The following ELF4 variants were observed in gnomAD, a reference collection of about 807,000 sequenced individuals.
ELF4 encodes ETS-related transcription factor Elf-4.
ELF4 carries 10 observed loss-of-function variants against 31.7 expected under a neutral mutation model. The observed-to-expected ratio is 0.32, with a 90% CI of 0.19 to 0.54. ELF4 has a LOEUF of 0.54. Among genes scored for constraint, ELF4 ranks in the 20% least tolerant of loss-of-function variants. The pLI, the probability that ELF4 is intolerant of heterozygous loss-of-function variation, is 0.95. For synonymous variants in ELF4, 208 were observed against 226.7 expected (o/e 0.92, Z 0.74); for missense variants, 418 against 522.0 (o/e 0.80, Z 1.94).
At chrX:130,089,860 AG>A (rs1164502190) in intron 1 of ELF4, among the ~76,000 whole-genome samples, 1 of 112,772 alleles carries the variant, frequency 8.9e-6, no homozygotes, top group East Asian at 2.8e-4. Context: ...GCACTCTGGG[AG>A]GCCAAGGCGG....
In ELF4 at chrX:130,065,043, A is replaced by G. The variant is rs1278381724; in HGVS notation, c.*1678T>C. On this transcript the variant is annotated 3_prime_UTR_variant, in exon 9 of 9. Transcript: ENST00000308167. ...CAGTGCCCTCCAGGGGGCAGGGAGA[A>G]GAAGAGTAGGAGAGGGTGATAGTTG... 1 of 171,759 alleles carries G rather than the reference A, an allele frequency of 5.8e-6. No homozygotes were observed. Among genetic ancestry groups the G allele is most frequent in the Middle Eastern group, 1.8e-3 (1 of 560 alleles). 14.2% of individuals were successfully genotyped at this position (171,759 alleles called of 1,213,427 possible). A position where few individuals can be genotyped will look rare whatever the true frequency, so the allele number is the denominator to read the frequency against.
chrX:130,066,347 T>A lies in ELF4; in HGVS notation c.*374A>T. ...CATACAGGGATATTCACATATAGGG[T>A]AGTAAATTCCCTGTGTAGGGAATGC... On this transcript the variant is annotated 3_prime_UTR_variant, in exon 9 of 9. Transcript: ENST00000308167. 3.7e-6 allele frequency: 1 copy of A among 267,206 alleles called. No homozygotes were observed. Among genetic ancestry groups the A allele is most frequent in the South Asian group, 8.7e-5 (1 of 11,442 alleles). 22.0% of individuals were successfully genotyped at this position (267,206 alleles called of 1,213,427 possible). A position where few individuals can be genotyped will look rare whatever the true frequency, so the allele number is the denominator to read the frequency against.
chrX:130,101,565 G>C (rs1189433036), intron 1 of ELF4, among the ~76,000 whole-genome samples: 1 of 109,284 alleles, frequency 9.2e-6, no homozygotes, highest in Non-Finnish European at 1.9e-5. Context: ...GGCCGAGGCG[G>C]GTGGATCACC....
chrX:130,102,121 T>C (rs1933273109), intron 1 of ELF4, among the ~76,000 whole-genome samples: 1 of 113,114 alleles, frequency 8.8e-6, no homozygotes, highest in South Asian at 3.6e-4. Flanking sequence ...CACTCCAGCC[T>C]GGGCGACGGA....
intron 2 of ELF4, among the ~76,000 whole-genome samples, chrX:130,079,229 G>A (rs1932865137): frequency 9.0e-6 from 1 of 110,628 alleles, no homozygotes; most frequent in Non-Finnish European, 1.9e-5. Flanking sequence ...AGGGCGAGGC[G>A]GGTGGATCAC....
chrX:130,070,793 A>AAGAAAGAT, intron 7 of ELF4, among the ~76,000 whole-genome samples: 1 of 101,891 alleles, frequency 9.8e-6, no homozygotes, highest in South Asian at 4.7e-4. Context: ...AAAAAAAAGA[A>AAGAAAGAT]AGAAAGAAAG....
At position 130,065,076 on chromosome X, in the gene ELF4, A is replaced by C; in HGVS notation, c.*1645T>G. On this transcript the variant is annotated 3_prime_UTR_variant, in exon 9 of 9. Coordinates refer to ENST00000308167, the MANE Select transcript of ELF4 (RefSeq NM_001421.4). ...AGGAGAGGGTGATAGTTGTTGGCTT[A>C]ACAAAGAAGAGAAGAGCGAGAGCGC... 5.8e-6 allele frequency: 1 copy of C among 173,242 alleles called. No homozygotes were observed. Among genetic ancestry groups the C allele is most frequent in the Non-Finnish European group, 1.1e-5 (1 of 90,579 alleles). The allele number at this position is 173,242 out of a possible 1,213,427, so 14.3% of individuals were successfully genotyped here.
chrX:130,109,205 C>T (rs960964348), intron 1 of ELF4, among the ~76,000 whole-genome samples: 1 of 111,995 alleles, frequency 8.9e-6, no homozygotes, highest in African/African-American at 3.2e-5. Flanking sequence ...CCCCAATGGG[C>T]GTGCCCACCA....
At position 130,077,293 on chromosome X, in the gene ELF4, G is replaced by T. The variant is rs1295158013; in HGVS notation, c.76-2541C>A. Among the ~76,000 whole-genome samples, 4 of 104,002 alleles carry T rather than the reference G, an allele frequency of 3.8e-5. No individual in the cohort carries two copies. In the East Asian group the frequency reaches 1.1e-3, roughly 30 times the overall value. 90.3% of individuals were successfully genotyped at this position (104,002 alleles called of 115,157 possible). A position where few individuals can be genotyped will look rare whatever the true frequency, so the allele number is the denominator to read the frequency against. ...CATAGAACATTTCCAGCATTCCAGA[G>T]AATTTTTTTTTTTTTTTTTGAGATG... On this transcript the variant is annotated intron_variant, in intron 2 of 8. Coordinates refer to ENST00000308167, the MANE Select transcript of ELF4 (RefSeq NM_001421.4).
intron 1 of ELF4, among the ~76,000 whole-genome samples, chrX:130,093,751 T>TA: frequency 8.9e-6 from 1 of 111,923 alleles, no homozygotes; most frequent in African/African-American, 3.2e-5. Flanking sequence ...CACCTTGGCT[T>TA]CCCCGTAGTG....
At chrX:130,105,300 G>A (rs1022834200) in intron 1 of ELF4, among the ~76,000 whole-genome samples, 1 of 112,010 alleles carries the variant, frequency 8.9e-6, no homozygotes, top group Non-Finnish European at 1.9e-5. Context: ...CTTCCTGCAT[G>A]AAACACCCTT....
At chrX:130,099,234 T>C (rs770120380) in intron 1 of ELF4, among the ~76,000 whole-genome samples, 2 of 112,173 alleles carry the variant, frequency 1.8e-5, no homozygotes, top group South Asian at 3.7e-4. Flanking sequence ...CGCAGGCTTA[T>C]TGACCATAGT....
intron 2 of ELF4, among the ~76,000 whole-genome samples, chrX:130,080,124 G>A (rs1460665163): frequency 9.0e-6 from 1 of 111,650 alleles, no homozygotes; most frequent in African/African-American, 3.3e-5. Context: ...GGAAACAGCA[G>A]TCAGATAGGA....
At chrX:130,103,133 C>T (rs1028645482) in intron 1 of ELF4, among the ~76,000 whole-genome samples, 9 of 111,602 alleles carry the variant, frequency 8.1e-5, no homozygotes, top group African/African-American at 2.9e-4. Flanking sequence ...GGGAAGAGTT[C>T]TTCGATACAG....
chrX:130,098,798 T>C (rs945686521), intron 1 of ELF4, among the ~76,000 whole-genome samples: 1 of 111,974 alleles, frequency 8.9e-6, no homozygotes, highest in African/African-American at 3.2e-5. Flanking sequence ...TCCAGCACTT[T>C]AGGCTACATT....
Position 130,069,295 on chromosome X carries a change from C to T in ELF4, c.1187+5G>A, listed in dbSNP as rs755598741. The T allele has an allele frequency of 5.0e-5, 60 of 1,210,265 alleles. No homozygotes were observed. The highest frequency in any genetic ancestry group is 6.6e-5 in the Non-Finnish European group (59 of 895,268). On this transcript the variant is annotated splice_donor_5th_base_variant and intron_variant, in intron 8 of 8. Coordinates refer to ENST00000308167, the MANE Select transcript of ELF4 (RefSeq NM_001421.4). ...GAAGACTCATGCTGACCTGGGTGCCCTTACCTCACAGCTTTGGTGAGCTTG... is the reference window on the plus strand; with the variant it reads ...GAAGACTCATGCTGACCTGGGTGCCTTTACCTCACAGCTTTGGTGAGCTTG...
Position 130,103,949 on chromosome X carries a change from C to T in ELF4, c.-210+6376G>A, listed in dbSNP as rs755058460. Among the ~76,000 whole-genome samples, 3 of 112,308 alleles carry T rather than the reference C, an allele frequency of 2.7e-5. No individual in the cohort carries two copies. In the East Asian group the frequency reaches 8.4e-4, roughly 32 times the overall value. On this transcript the variant is annotated intron_variant, in intron 1 of 8. Coordinates refer to ENST00000308167, the MANE Select transcript of ELF4 (RefSeq NM_001421.4). Reference sequence around the variant, plus strand: ...CCCTGGGAGCTCTTCTGGGCAAAGGCAGTGCCCCAGCCTCAACTCAAGGCC... The same window carrying T: ...CCCTGGGAGCTCTTCTGGGCAAAGGTAGTGCCCCAGCCTCAACTCAAGGCC...
chrX:130,065,431 G>A lies in ELF4; in HGVS notation c.*1290C>T, dbSNP rs1932642103. ...CTGGCTGCCGACTCCCGTCTTCTTG[G>A]TGAAGGAGTCAGGGTTAGGTGTGAA... On this transcript the variant is annotated 3_prime_UTR_variant, in exon 9 of 9. Coordinates refer to ENST00000308167, the MANE Select transcript of ELF4 (RefSeq NM_001421.4). 5.7e-6 allele frequency: 1 copy of A among 174,223 alleles called. No homozygotes were observed. Among genetic ancestry groups the A allele is most frequent in the Non-Finnish European group, 1.1e-5 (1 of 91,367 alleles). The allele number at this position is 174,223 out of a possible 1,213,427, so 14.4% of individuals were successfully genotyped here.
chrX:130,099,300 G>A (rs1437447367), intron 1 of ELF4, among the ~76,000 whole-genome samples: 3 of 112,223 alleles, frequency 2.7e-5, no homozygotes, highest in Non-Finnish European at 5.6e-5. Flanking sequence ...CCAGCCAGGC[G>A]CAGGGGCTCA....
Sources: allele counts gnomAD v4.1 joint callset (sites outside exome capture counted in the v4.1 genomes callset), GRCh38; gene constraint gnomAD v4.1.1; transcripts MANE v1.5; gene names NCBI Gene and HGNC (gene_info 2026-07-23, HGNC 2026-07-21).